SHPK: variants seen among roughly 807,000 people sequenced by gnomAD.
SHPK encodes carbohydrate kinase-like protein.
SHPK carries 51 observed loss-of-function variants against 46.3 expected under a neutral mutation model. The ratio of observed to expected loss-of-function variants is 1.10; its 90% CI spans 0.88 to 1.39. SHPK has a LOEUF of 1.39. SHPK is among the 40% of genes most tolerant of loss of function. SHPK has a pLI of 0.00. For synonymous variants in SHPK, 290 were observed against 273.9 expected (o/e 1.06, Z -0.58); for missense variants, 668 against 641.3 (o/e 1.04, Z -0.45).
At chr17:3,616,684 G>A (rs2075372945) in intron 5 of SHPK, among the ~76,000 whole-genome samples, 1 of 152,184 alleles carries the variant, frequency 6.6e-6, no homozygotes, top group Non-Finnish European at 1.5e-5. Flanking sequence ...TTCATTCATT[G>A]GCAGTGAATA....
At chr17:3,633,316 G>A (rs546407270) in intron 1 of SHPK, among the ~76,000 whole-genome samples, 2 of 151,478 alleles carry the variant, frequency 1.3e-5, no homozygotes, top group African/African-American at 4.8e-5. Context: ...TCCTACTCGG[G>A]GTGGTCTTGT....
Position 3,636,102 on chromosome 17 carries a change from G to T in SHPK, c.118C>A (p.Arg40Ser), listed in dbSNP as rs371203773. The change falls in exon 1 of 7, where the codon CGT (arginine) becomes AGT (serine). Residue 40 changes from arginine to serine, a missense_variant. Coordinates refer to ENST00000225519, the MANE Select transcript of SHPK (RefSeq NM_013276.4). ...SGFAVLASCARAARAEAAVES... is the reference protein window; with the variant it reads ...SGFAVLASCASAARAEAAVES... Reference sequence around the variant, plus strand: ...ACCGCCGCCTCTGCCCGCGCAGCACGGGCACAGCTCGCCAGCACTGCGAAC... The same window carrying T: ...ACCGCCGCCTCTGCCCGCGCAGCACTGGCACAGCTCGCCAGCACTGCGAAC... 1 of 1,604,982 alleles carries T rather than the reference G, an allele frequency of 6.2e-7. No homozygotes were observed. The highest frequency in any genetic ancestry group is 8.5e-7 in the Non-Finnish European group (1 of 1,176,414).
rs1396379249 is a variant in SHPK at position 3,609,669 on chromosome 17, G to A, written c.*891C>T. On this transcript the variant is annotated 3_prime_UTR_variant, in exon 7 of 7. Coordinates refer to ENST00000225519, the MANE Select transcript of SHPK (RefSeq NM_013276.4). ...AAACTACCTGCCCCATCTGGCAGGA[G>A]TCTGCCTGGCTGCATCCCTTCCCAT... 6.6e-6 allele frequency: 1 copy of A among 152,384 alleles called. No homozygotes were observed. Among genetic ancestry groups the A allele is most frequent in the African/African-American group, 2.4e-5 (1 of 41,486 alleles). 9.4% of individuals were successfully genotyped at this position (152,384 alleles called of 1,614,324 possible). A position where few individuals can be genotyped will look rare whatever the true frequency, so the allele number is the denominator to read the frequency against.
intron 5 of SHPK, among the ~76,000 whole-genome samples, chr17:3,620,997 G>C (rs1331932133): frequency 6.6e-6 from 1 of 152,202 alleles, no homozygotes; most frequent in Non-Finnish European, 1.5e-5. Flanking sequence ...CCCAGCCCCA[G>C]AGGTGGTCAG....
chr17:3,614,860 A>AAAG (rs1555553786), intron 6 of SHPK, among the ~76,000 whole-genome samples: 7 of 147,200 alleles, frequency 4.8e-5, no homozygotes, highest in East Asian at 1.9e-4. Flanking sequence ...AAAAAAAAAA[A>AAAG]AAGAAGAAGA....
At chr17:3,623,169 G>C (rs2075412764) in intron 4 of SHPK, among the ~76,000 whole-genome samples, 170 bp downstream of exon 4, 1 of 152,132 alleles carries the variant, frequency 6.6e-6, no homozygotes, top group Non-Finnish European at 1.5e-5. Context: ...GCTTACACTG[G>C]GCCCATCCAT....
chr17:3,634,079 T>A (rs2075490728), intron 1 of SHPK, among the ~76,000 whole-genome samples: 2 of 149,610 alleles, frequency 1.3e-5, no homozygotes, highest in Admixed American at 6.7e-5. Context: ...GCATGCCCGT[T>A]AAGAGTCATC....
chr17:3,612,444 C>A (rs776018230), intron 6 of SHPK, among the ~76,000 whole-genome samples: 2 of 150,466 alleles, frequency 1.3e-5, no homozygotes, highest in African/African-American at 2.4e-5. Context: ...AAAAAAAAAG[C>A]CTTTGGTTTC....
chr17:3,630,688 C>A (rs1309743934), intron 1 of SHPK, among the ~76,000 whole-genome samples: 1 of 152,182 alleles, frequency 6.6e-6, no homozygotes, highest in East Asian at 1.9e-4. Flanking sequence ...CATGATGAAA[C>A]CCCGTCTCTA....
intron 5 of SHPK, chr17:3,619,908 C>T (rs370393087): frequency 1.2e-4 from 29 of 237,268 alleles, no homozygotes; most frequent in African/African-American, 2.8e-4. Flanking sequence ...CTCCCAGCGC[C>T]GCCAAGCGCC....
chr17:3,617,499 C>T (rs760793056), intron 5 of SHPK, among the ~76,000 whole-genome samples: 1 of 152,088 alleles, frequency 6.6e-6, no homozygotes, highest in Admixed American at 6.6e-5. Flanking sequence ...TAGTAAAAGA[C>T]CTCCAGTAGA....
chr17:3,616,358 G>A (rs1160299479), intron 5 of SHPK, among the ~76,000 whole-genome samples: 2 of 152,148 alleles, frequency 1.3e-5, no homozygotes, highest in Non-Finnish European at 2.9e-5. Context: ...GCCACGTCGT[G>A]AGCAGCCCTG....
At chr17:3,612,775 G>A (rs1366169052) in intron 6 of SHPK, among the ~76,000 whole-genome samples, 6 of 149,700 alleles carry the variant, frequency 4.0e-5, no homozygotes, top group Non-Finnish European at 7.4e-5. Context: ...TTTTTGAGAC[G>A]GAGTCTTGCT....
chr17:3,615,370 C>T lies in SHPK; in HGVS notation c.991G>A (p.Val331Ile), dbSNP rs759135690. The T allele has an allele frequency of 1.0e-4, 165 of 1,614,040 alleles. No individual in the cohort carries two copies. Among genetic ancestry groups the T allele is most frequent in the East Asian group, 2.5e-4 (11 of 44,890 alleles). Residue 331 changes from valine to isoleucine, a missense_variant, in exon 6 of 7, where the codon GTC (valine) becomes ATC (isoleucine). Val to Ile is a conservative substitution (Grantham distance 29). Coordinates refer to ENST00000225519, the MANE Select transcript of SHPK (RefSeq NM_013276.4). ...LNGGNVLATFVHMLVQWMADL... is the reference protein window; with the variant it reads ...LNGGNVLATFIHMLVQWMADL... ...GCCATCCACTGAACCAGCATGTGGA[C>T]GAACGTGGCCAGCACATTGCCCCCG...
At chr17:3,635,202 G>GAAGAAAGGAAGT (rs879382597) in intron 1 of SHPK, among the ~76,000 whole-genome samples, 4 of 121,390 alleles carry the variant, frequency 3.3e-5, no homozygotes, top group Non-Finnish European at 5.3e-5. Flanking sequence ...ATGAAGGAAG[G>GAAGAAAGGAAGT]AAGGAAGGAA....
At chr17:3,635,090 T>G (rs1046173432) in intron 1 of SHPK, among the ~76,000 whole-genome samples, 1 of 151,596 alleles carries the variant, frequency 6.6e-6, no homozygotes, top group African/African-American at 2.4e-5. Flanking sequence ...GAGAATCACT[T>G]GAATCCAGTT....
intron 1 of SHPK, among the ~76,000 whole-genome samples, chr17:3,635,380 C>T (rs921069324): frequency 8.0e-5 from 12 of 150,894 alleles, no homozygotes; most frequent in Admixed American, 2.7e-4. Context: ...GGACTACAGG[C>T]GCCCGCCACC....
At chr17:3,632,845 T>C (rs1447315621) in intron 1 of SHPK, among the ~76,000 whole-genome samples, 2 of 152,128 alleles carry the variant, frequency 1.3e-5, no homozygotes, top group East Asian at 3.9e-4. Context: ...TCGAAAACCT[T>C]GTATTTTAAA....
intron 5 of SHPK, chr17:3,619,470 C>A: frequency 9.3e-7 from 1 of 1,080,440 alleles, no homozygotes; most frequent in East Asian, 2.5e-5. Flanking sequence ...CACGATGGCT[C>A]ACACCTGTAA....
Sources: allele counts gnomAD v4.1 joint callset (sites outside exome capture counted in the v4.1 genomes callset), GRCh38; gene constraint gnomAD v4.1.1; transcripts MANE v1.5; gene names NCBI Gene and HGNC (gene_info 2026-07-23, HGNC 2026-07-21).